TP63: variants seen among roughly 807,000 people sequenced by gnomAD.
TP63 encodes the protein tumor protein p63.
In TP63, 17 loss-of-function variants were observed where a neutral mutation model predicts 82.8. The observed-to-expected ratio is 0.21, with a 90% CI of 0.14 to 0.31. The LOEUF (loss-of-function observed/expected upper bound fraction) is 0.31, where lower values mean the gene tolerates loss of function less well. Ranked by LOEUF, TP63 falls within the 10% of genes least tolerant of loss-of-function variation. TP63 has a pLI of 1.00. For missense variants in TP63, 648 were observed against 895.3 expected, an observed-to-expected ratio of 0.72 and a Z score of 3.52; for synonymous variants, 330 against 321.7, an observed-to-expected ratio of 1.03 and a Z score of -0.28.
At chr3:189,645,499 AT>A (rs1560081243) in intron 1 of TP63, 1 of 201,438 alleles carries the variant, frequency 5.0e-6, no homozygotes, top group Non-Finnish European at 9.9e-6. Context: ...GTGTTTTTTA[AT>A]TTTTTTATTA....
chr3:189,598,930 G>T, the TP63 span, among the ~76,000 whole-genome samples: 5 of 152,162 alleles, frequency 3.3e-5, no homozygotes, highest in Non-Finnish European at 5.9e-5. Context: ...TATCTTAGAG[G>T]GATTTCCCAA....
intron 13 of TP63, among the ~76,000 whole-genome samples, chr3:189,893,837 C>G (rs1181916152): frequency 1.3e-5 from 2 of 152,176 alleles, no homozygotes; most frequent in African/African-American, 4.8e-5. Context: ...GTGGTGGTGA[C>G]ATTCCATTAA....
intron 4 of TP63, among the ~76,000 whole-genome samples, chr3:189,861,083 T>C (rs1196404021): frequency 6.6e-6 from 1 of 152,120 alleles, no homozygotes; most frequent in African/African-American, 2.4e-5. Flanking sequence ...TTTGTGGTTT[T>C]TTTTCGTATG....
intron 4 of TP63, among the ~76,000 whole-genome samples, chr3:189,813,568 T>A (rs1230630318): frequency 6.6e-6 from 1 of 151,142 alleles, no homozygotes; most frequent in Admixed American, 6.6e-5. Flanking sequence ...ACTCTCTGTG[T>A]GCATACGCCA....
At chr3:189,608,858 A>G in the TP63 span, among the ~76,000 whole-genome samples, 1 of 152,018 alleles carries the variant, frequency 6.6e-6, no homozygotes, top group Non-Finnish European at 1.5e-5. Flanking sequence ...TCAAGAGTAC[A>G]TTTTAAAAGC....
At chr3:189,659,967 T>A (rs1360476209) in intron 1 of TP63, among the ~76,000 whole-genome samples, 1 of 151,954 alleles carries the variant, frequency 6.6e-6, no homozygotes, top group East Asian at 1.9e-4. Flanking sequence ...TTGCCATATA[T>A]ATAGTCTGTG....
chr3:189,714,810 A>G (rs147732901), intron 1 of TP63, among the ~76,000 whole-genome samples: 83 of 152,316 alleles, frequency 5.4e-4, no homozygotes, highest in African/African-American at 1.9e-3. Context: ...ACATGTACAC[A>G]TTCATATAAA....
intron 4 of TP63, among the ~76,000 whole-genome samples, chr3:189,828,445 G>A (rs1560227658): frequency 2.0e-5 from 3 of 152,150 alleles, no homozygotes; most frequent in Admixed American, 6.5e-5. Context: ...TATAAGGACT[G>A]TACCAAGAAA....
intron 4 of TP63, among the ~76,000 whole-genome samples, chr3:189,856,287 A>C (rs543513413): frequency 6.6e-6 from 1 of 151,488 alleles, no homozygotes; most frequent in Admixed American, 6.6e-5. Flanking sequence ...TAAGTGTTGT[A>C]TTTGATATAC....
intron 3 of TP63, among the ~76,000 whole-genome samples, chr3:189,784,944 T>G (rs1392278533): frequency 1.3e-5 from 2 of 152,056 alleles, no homozygotes; most frequent in African/African-American, 2.4e-5. Context: ...TGATCATCCT[T>G]CAACTTAATG....
rs538510140 is a variant in TP63 at position 189,799,517 on chromosome 3, C to T, written c.325-8755C>T. ...AAACCTAGACCATCAGGTTAAAAAA[C>T]ACTGCCTTGGCACAAAAGTGTGTAT... is the stretch of plus-strand genomic sequence containing the variant. On this transcript the variant is annotated intron_variant, in intron 3 of 13. Coordinates refer to ENST00000264731, the MANE Select transcript of TP63 (RefSeq NM_003722.5). 2.0e-5 allele frequency among the ~76,000 whole-genome samples: 3 copies of T among 152,202 alleles called. No homozygotes were observed. The East Asian group carries it at 5.8e-4, about 29-fold the overall frequency.
the TP63 span, among the ~76,000 whole-genome samples, chr3:189,623,097 G>A: frequency 0.091 from 13,900 of 152,042 alleles, 959 homozygotes; most frequent in East Asian, 0.4. Context: ...ATTTCAAGAA[G>A]CTACACCCCC....
At chr3:189,711,912 T>A (rs1319442229) in intron 1 of TP63, among the ~76,000 whole-genome samples, 2 of 152,026 alleles carry the variant, frequency 1.3e-5, no homozygotes, top group Non-Finnish European at 2.9e-5. Context: ...AGCTGTCATG[T>A]TGGTTTGGTG....
intron 9 of TP63, 110 bp downstream of exon 9, chr3:189,869,516 TAGTC>T (rs1408223375): frequency 2.0e-6 from 2 of 999,316 alleles, no homozygotes; most frequent in African/African-American, 3.2e-5. Context: ...GGAGGTGTCT[TAGTC>T]AGTTGAAGCT....
At chr3:189,697,280 T>C (rs1355373188) in intron 1 of TP63, among the ~76,000 whole-genome samples, 1 of 147,800 alleles carries the variant, frequency 6.8e-6, no homozygotes, top group Non-Finnish European at 1.5e-5. Flanking sequence ...TTCAGCACCA[T>C]TTGTTTGAAA....
At chr3:189,858,403 C>CAAA (rs1160961471) in intron 4 of TP63, among the ~76,000 whole-genome samples, 1 of 2,876 alleles carries the variant, frequency 3.5e-4, no homozygotes, top group Non-Finnish European at 7.6e-4. Context: ...GACTCCGTCT[C>CAAA]AAAAAAAAAA....
intron 4 of TP63, among the ~76,000 whole-genome samples, chr3:189,843,851 GC>G (rs903783695): frequency 2.0e-5 from 3 of 152,184 alleles, no homozygotes; most frequent in African/African-American, 7.2e-5. Context: ...ATGCCTCTTG[GC>G]TTTGTTTCCA....
At chr3:189,739,534 A>G (rs1263413552) in intron 3 of TP63, among the ~76,000 whole-genome samples, 2 of 152,206 alleles carry the variant, frequency 1.3e-5, no homozygotes, top group Admixed American at 1.3e-4. Flanking sequence ...GTGCATATGC[A>G]GGTTTAAGTA....
At chr3:189,603,343 C>A in the TP63 span, among the ~76,000 whole-genome samples, 4 of 152,108 alleles carry the variant, frequency 2.6e-5, no homozygotes, top group Admixed American at 6.6e-5. Flanking sequence ...AGAAATTGGA[C>A]TACCTCATTC....
Sources: allele counts gnomAD v4.1 joint callset (sites outside exome capture counted in the v4.1 genomes callset), GRCh38; gene constraint gnomAD v4.1.1; transcripts MANE v1.5; gene names NCBI Gene and HGNC (gene_info 2026-07-23, HGNC 2026-07-21).